The following RAP1GAP2 variants were observed in gnomAD, a reference collection of about 807,000 sequenced individuals.
RAP1GAP2 encodes RAP1 GTPase activating protein 2.
In RAP1GAP2, 27 loss-of-function variants were observed where a neutral mutation model predicts 95.0. That is an observed-to-expected ratio of 0.28 (90% CI 0.21 to 0.39). RAP1GAP2 has a LOEUF of 0.39. Ranked by LOEUF, RAP1GAP2 falls within the 10% of genes least tolerant of loss-of-function variation. RAP1GAP2 has a pLI of 1.00. For missense variants in RAP1GAP2, 771 were observed against 970.0 expected (o/e 0.79, Z 2.72); for synonymous variants, 373 against 380.9 (o/e 0.98, Z 0.24).
At chr17:2,792,000 C>T (rs1204175706), upstream of RAP1GAP2, among the ~76,000 whole-genome samples, 6 of 151,976 alleles carry the variant, frequency 3.9e-5, no homozygotes, top group Non-Finnish European at 2.9e-5. Context: ...GCTGTGATTA[C>T]AGGTGCCCGC....
At chr17:3,017,386 C>T (rs1344415034) in intron 17 of RAP1GAP2, among the ~76,000 whole-genome samples, 1 of 151,954 alleles carries the variant, frequency 6.6e-6, no homozygotes, top group African/African-American at 2.4e-5. Flanking sequence ...TCCATCAGAC[C>T]AGGGGCCGTA....
chr17:2,929,393 A>C (rs2043069923), intron 3 of RAP1GAP2, among the ~76,000 whole-genome samples: 1 of 152,180 alleles, frequency 6.6e-6, no homozygotes. Context: ...TGGCCCCGCC[A>C]GGTGACTGTG....
At chr17:2,954,351 G>A (rs912852489) in intron 3 of RAP1GAP2, among the ~76,000 whole-genome samples, 24 of 151,946 alleles carry the variant, frequency 1.6e-4, no homozygotes, top group African/African-American at 2.7e-4. Flanking sequence ...TGATCCGCCC[G>A]CCTCGGCCTC....
chr17:2,837,475 G>GTCTGGTGATGGGCATCGGGAGTC (rs1196343978), intron 2 of RAP1GAP2, among the ~76,000 whole-genome samples: 20 of 152,134 alleles, frequency 1.3e-4, no homozygotes, highest in African/African-American at 4.3e-4. Flanking sequence ...ATTCCGCTTC[G>GTCTGGTGATGGGCATCGGGAGTC]TCTGGTGATG....
intron 19 of RAP1GAP2, 68 bp from the exon 20 acceptor site, chr17:3,025,940 G>T: frequency 8.3e-7 from 1 of 1,201,834 alleles, no homozygotes; most frequent in Non-Finnish European, 1.2e-6. Flanking sequence ...GGCTCTGCCT[G>T]GGGCCGTGGA....
chr17:2,862,667 C>T (rs1414504300), intron 2 of RAP1GAP2, among the ~76,000 whole-genome samples: 1 of 152,160 alleles, frequency 6.6e-6, no homozygotes. Context: ...GCAAGTGATA[C>T]TGGTTTTCCA....
At chr17:2,777,598 C>G (rs2068532968) in intron 1 of RAP1GAP2, among the ~76,000 whole-genome samples, 1 of 152,116 alleles carries the variant, frequency 6.6e-6, no homozygotes, top group South Asian at 2.1e-4. Context: ...GCTTTGCCAG[C>G]ACCAGGTGCT....
chr17:2,962,495 A>C (rs34224666), intron 4 of RAP1GAP2, 175 bp from the exon 5 acceptor site: 156,760 of 627,546 alleles, frequency 0.25, 19,956 homozygotes, highest in South Asian at 0.3. Flanking sequence ...CTGTTGCCTC[A>C]CCTGAGGCTG....
At chr17:2,822,632 T>TTG (rs1555547760) in intron 2 of RAP1GAP2, among the ~76,000 whole-genome samples, 1 of 134,936 alleles carries the variant, frequency 7.4e-6, no homozygotes, top group East Asian at 2.0e-4. Flanking sequence ...TTTTTGTTTT[T>TTG]TTTTTTTTTT....
chr17:2,782,472 C>T (rs903491791), intron 1 of RAP1GAP2, among the ~76,000 whole-genome samples: 1 of 152,184 alleles, frequency 6.6e-6, no homozygotes, highest in African/African-American at 2.4e-5. Context: ...TGATGAGGCT[C>T]CCTTACCTTC....
chr17:2,814,613 G>A (rs767337959), intron 2 of RAP1GAP2, among the ~76,000 whole-genome samples: 10 of 152,106 alleles, frequency 6.6e-5, no homozygotes, highest in Non-Finnish European at 1.2e-4. Context: ...GTCTGAGACC[G>A]TGGGAGCCTC....
chr17:2,972,295 G>GA (rs1006153188), intron 8 of RAP1GAP2, among the ~76,000 whole-genome samples: 4 of 151,046 alleles, frequency 2.6e-5, no homozygotes, highest in African/African-American at 4.9e-5. Flanking sequence ...CAAGAGAAAA[G>GA]AAAAAAAAAT....
chr17:3,015,332 C>T (rs17762531), intron 17 of RAP1GAP2, among the ~76,000 whole-genome samples: 23,165 of 151,956 alleles, frequency 0.15, 2,061 homozygotes, highest in Middle Eastern at 0.21. Context: ...GGGGGCTGTC[C>T]GGTTTACAAA....
chr17:2,933,814 G>C (rs2043226925), intron 3 of RAP1GAP2, among the ~76,000 whole-genome samples: 1 of 152,146 alleles, frequency 6.6e-6, no homozygotes, highest in Non-Finnish European at 1.5e-5. Flanking sequence ...CCCACTTTGG[G>C]GGAAGACTGG....
rs2072117252 is a variant in RAP1GAP2 at position 2,855,954 on chromosome 17, C to G, written c.81-49330C>G. 5.3e-5 allele frequency among the ~76,000 whole-genome samples: 8 copies of G among 152,260 alleles called. No individual in the cohort carries two copies. In the South Asian group the frequency reaches 1.7e-3, roughly 32 times the overall value. The stretch of plus-strand genomic sequence containing the variant: ...AATAGAAATAGTAGTAATAATAATA[C>G]AAGTGTTAACAAATATAGTGGAAAT... On this transcript the variant is annotated intron_variant, in intron 2 of 24. Transcript: ENST00000254695. This position sits in a 1 kb window ranked among gnomAD's most constrained non-coding sequence, Gnocchi z 4.3.
Position 2,871,381 on chromosome 17 carries a change from C to A in RAP1GAP2, c.81-33903C>A, listed in dbSNP as rs4790374. On this transcript the variant is annotated intron_variant, in intron 2 of 24. Coordinates refer to ENST00000254695, the MANE Select transcript of RAP1GAP2 (RefSeq NM_015085.5). The surrounding 1 kb of genome is among the most constrained non-coding windows in gnomAD (Gnocchi z 5.0). The stretch of plus-strand genomic sequence containing the variant: ...GCCTGGATTGTGTGTCCATCTCAGT[C>A]CCTATGTGCAGGGGTGGGAGCGGGG... 0.1 allele frequency among the ~76,000 whole-genome samples: 15,388 copies of A among 152,162 alleles called. 1,747 individuals carry two copies. Among genetic ancestry groups the A allele is most frequent in the East Asian group, 0.58 (3,013 of 5,162 alleles).
At chr17:2,761,374 C>G (rs1053078948) in intron 1 of RAP1GAP2, among the ~76,000 whole-genome samples, 1 of 151,478 alleles carries the variant, frequency 6.6e-6, no homozygotes. Context: ...CCGCAACCTC[C>G]GTCCCCCGGG....
Position 3,018,244 on chromosome 17 carries a change from C to T in RAP1GAP2, c.1632+46C>T, listed in dbSNP as rs747231492. On this transcript the variant is annotated intron_variant, in intron 18 of 24. Transcript: ENST00000254695. ...GGGCGGCAAGTGGGTCCCAGGGAGG[C>T]CCCCCCCAGACCTATGGAGGAAGAG... The T allele has an allele frequency of 9.4e-5, 134 of 1,430,622 alleles. 1 individual carries two copies. The East Asian group carries it at 1.7e-3, about 18-fold the overall frequency. 88.6% of individuals were successfully genotyped at this position (1,430,622 alleles called of 1,614,324 possible). A position where few individuals can be genotyped will look rare whatever the true frequency, so the allele number is the denominator to read the frequency against.
intron 3 of RAP1GAP2, among the ~76,000 whole-genome samples, chr17:2,907,964 G>A (rs1597578491): frequency 2.0e-5 from 3 of 152,036 alleles, no homozygotes; most frequent in East Asian, 1.9e-4. Context: ...GTGCCACCAC[G>A]CCTGGCTAAC....
Sources: allele counts gnomAD v4.1 joint callset (sites outside exome capture counted in the v4.1 genomes callset), GRCh38; gene constraint gnomAD v4.1.1; non-coding constraint Gnocchi (gnomAD v3.1); transcripts MANE v1.5; gene names NCBI Gene and HGNC (gene_info 2026-07-23, HGNC 2026-07-21).